ADAMTS17: variants seen among roughly 807,000 people sequenced by gnomAD.
ADAMTS17 encodes A disintegrin and metalloproteinase with thrombospondin motifs 17.
A neutral mutation model predicts 141.5 loss-of-function variants in ADAMTS17; 113 were observed. The ratio of observed to expected loss-of-function variants is 0.80; its 90% CI spans 0.69 to 0.93. The LOEUF is 0.93. Among genes scored for constraint, ADAMTS17 ranks in the 40% least tolerant of loss-of-function variants. ADAMTS17 has a pLI of 0.00. For synonymous variants in ADAMTS17, 768 were observed against 630.6 expected, an observed-to-expected ratio of 1.22 and a Z score of -3.27; for missense variants, 1,659 against 1,517.9, an observed-to-expected ratio of 1.09 and a Z score of -1.54.
At chr15:100,197,261 G>A (rs865990378) in intron 8 of ADAMTS17, among the ~76,000 whole-genome samples, 11 of 152,228 alleles carry the variant, frequency 7.2e-5, no homozygotes, top group Non-Finnish European at 1.0e-4. Context: ...GGATGCTGGC[G>A]TGGGACATTG....
At chr15:100,021,100 G>A (rs1416620385) in intron 18 of ADAMTS17, among the ~76,000 whole-genome samples, 1 of 152,120 alleles carries the variant, frequency 6.6e-6, no homozygotes, top group African/African-American at 2.4e-5. Flanking sequence ...TCTATGCCAT[G>A]TTCCTTCAGA....
rs547146397 is a variant in ADAMTS17, at chr15:100,326,345, C to G, written c.616+4544G>C. The stretch of plus-strand genomic sequence containing the variant: ...TTTACAGCAAAGAACACTGGATACA[C>G]TACAAAATCATATTTTATTTTATCC... On this transcript the variant is annotated intron_variant, in intron 3 of 21. Coordinates refer to ENST00000268070, the MANE Select transcript of ADAMTS17 (RefSeq NM_139057.4). 5.3e-5 allele frequency among the ~76,000 whole-genome samples: 8 copies of G among 152,274 alleles called. No homozygotes were observed. The East Asian group carries it at 1.5e-3, about 29-fold the overall frequency.
intron 8 of ADAMTS17, among the ~76,000 whole-genome samples, chr15:100,160,676 G>A (rs79364867): frequency 6.6e-5 from 10 of 152,310 alleles, no homozygotes; most frequent in East Asian, 1.9e-4. Flanking sequence ...TCCAGTGAGC[G>A]TTTCACTCTG....
chr15:100,067,460 A>T (rs1464902581), intron 15 of ADAMTS17, among the ~76,000 whole-genome samples: 2 of 152,256 alleles, frequency 1.3e-5, no homozygotes, highest in Non-Finnish European at 2.9e-5. Context: ...CCAGTTGTCA[A>T]ATTTTTCCAG....
intron 8 of ADAMTS17, among the ~76,000 whole-genome samples, chr15:100,181,696 A>G (rs2040531165): frequency 1.3e-5 from 2 of 152,232 alleles, no homozygotes; most frequent in Non-Finnish European, 2.9e-5. Context: ...AAGATGCAAG[A>G]CAATGTTCTC....
rs771906146 is a variant in ADAMTS17 at position 99,976,050 on chromosome 15, CG to C, written c.3121del (p.Arg1041AlafsTer5). The C allele has an allele frequency of 2.6e-6, 4 of 1,549,982 alleles. 1 individual carries two copies. Among genetic ancestry groups the C allele is most frequent in the South Asian group, 2.4e-5 (2 of 83,762 alleles). The stretch of plus-strand genomic sequence containing the variant: ...GGGCCAGTGAAGACACTCACCAAGG[CG>C]GGGGGAGGTGATGGTGTTGGCGTTG... ...RINANTITSP[R>X]LAALTYKCTR... On this transcript the variant is annotated frameshift_variant, in exon 21 of 22. Coordinates refer to ENST00000268070, the MANE Select transcript of ADAMTS17 (RefSeq NM_139057.4). LOFTEE classifies it high-confidence loss of function.
At chr15:100,229,673 T>C (rs1409823131) in intron 7 of ADAMTS17, among the ~76,000 whole-genome samples, 1 of 152,206 alleles carries the variant, frequency 6.6e-6, no homozygotes, top group African/African-American at 2.4e-5. Flanking sequence ...AAAGGTCACA[T>C]GATCCGTTGA....
chr15:100,269,509 T>C (rs189517364), intron 4 of ADAMTS17, among the ~76,000 whole-genome samples: 1 of 152,340 alleles, frequency 6.6e-6, no homozygotes, highest in African/African-American at 2.4e-5. Flanking sequence ...TGAGGAAAAC[T>C]GCTCCCAGGA....
chr15:100,206,280 C>A (rs12915639), intron 7 of ADAMTS17, among the ~76,000 whole-genome samples: 5 of 152,274 alleles, frequency 3.3e-5, no homozygotes, highest in Admixed American at 6.5e-5. Flanking sequence ...ATGGCTGCAC[C>A]TCAGCAGCAC....
intron 15 of ADAMTS17, chr15:100,074,034 CAAT>C (rs2034186966): frequency 6.6e-6 from 1 of 152,286 alleles, no homozygotes; most frequent in Non-Finnish European, 1.5e-5. Context: ...AATAATATCA[CAAT>C]AATATCTACC....
chr15:100,129,569 C>T (rs550913753), intron 12 of ADAMTS17: 7 of 152,148 alleles, frequency 4.6e-5, no homozygotes, highest in Admixed American at 3.3e-4. Flanking sequence ...CATGGAGAAA[C>T]CCCATCTCTA....
At chr15:100,124,174 C>T (rs932383671) in intron 12 of ADAMTS17, among the ~76,000 whole-genome samples, 3 of 152,070 alleles carry the variant, frequency 2.0e-5, no homozygotes, top group African/African-American at 4.8e-5. Flanking sequence ...TCATGCTGGC[C>T]AGGCTAGTCA....
chr15:100,313,541 G>A (rs533832796), intron 3 of ADAMTS17, among the ~76,000 whole-genome samples: 2 of 152,276 alleles, frequency 1.3e-5, no homozygotes, highest in Admixed American at 6.5e-5. Flanking sequence ...ATAAATAAAT[G>A]TAGAATGAAT....
At chr15:100,243,955 G>T (rs966551376) in intron 7 of ADAMTS17, among the ~76,000 whole-genome samples, 1 of 152,068 alleles carries the variant, frequency 6.6e-6, no homozygotes. Context: ...GGGATATTAG[G>T]TAAGTGTATC....
chr15:100,114,640 G>C (rs1344639547), intron 13 of ADAMTS17, among the ~76,000 whole-genome samples: 2 of 152,182 alleles, frequency 1.3e-5, no homozygotes, highest in South Asian at 2.1e-4. Flanking sequence ...TCATCAAACA[G>C]GGCTGCTCTT....
intron 14 of ADAMTS17, among the ~76,000 whole-genome samples, chr15:100,101,514 C>T (rs985652660): frequency 1.6e-4 from 24 of 152,244 alleles, no homozygotes; most frequent in South Asian, 2.1e-4. Flanking sequence ...TGTTAAATCA[C>T]GCCTTCGCCT....
chr15:99,976,061 G>C lies in ADAMTS17; in HGVS notation c.3111C>G (p.Ile1037Met). The change falls in exon 21 of 22, where the codon ATC becomes ATG. Residue 1037 changes from isoleucine to methionine, a missense_variant. By Grantham distance (10) the Ile-to-Met change is conservative. Transcript: ENST00000268070. Reference sequence around the variant, plus strand: ...GACACTCACCAAGGCGGGGGGAGGTGATGGTGTTGGCGTTGATCCTGTCGT... The same window carrying C: ...GACACTCACCAAGGCGGGGGGAGGTCATGGTGTTGGCGTTGATCCTGTCGT... ...VCNDRINANTITSPRLAALTY... is the reference protein window; with the variant it reads ...VCNDRINANTMTSPRLAALTY... 1 of 1,551,160 alleles carries C rather than the reference G, an allele frequency of 6.4e-7. No individual in the cohort carries two copies. The highest frequency in any genetic ancestry group is 1.4e-5 in the African/African-American group (1 of 73,196).
chr15:100,309,527 C>T (rs1262364478), intron 3 of ADAMTS17, among the ~76,000 whole-genome samples: 1 of 152,220 alleles, frequency 6.6e-6, no homozygotes, highest in Non-Finnish European at 1.5e-5. Flanking sequence ...GTGCCTGTCT[C>T]ACCACCCTGG....
chr15:100,235,348 G>A (rs1231555004), intron 7 of ADAMTS17, among the ~76,000 whole-genome samples: 1 of 152,086 alleles, frequency 6.6e-6, no homozygotes, highest in Non-Finnish European at 1.5e-5. Context: ...TGGCTTTCCT[G>A]AGCATGCAAA....
Sources: gnomAD v4.1 joint callset for allele counts (sites outside exome capture counted in the v4.1 genomes callset) on GRCh38, gnomAD v4.1.1 for gene constraint, MANE v1.5 for transcripts, NCBI Gene and HGNC (gene_info 2026-07-23, HGNC 2026-07-21) for gene names.